SIAH3: variants seen among roughly 807,000 people sequenced by gnomAD.
The protein encoded by SIAH3 is siah E3 ubiquitin protein ligase family member 3.
A neutral mutation model predicts 12.6 loss-of-function variants in SIAH3; 9 were observed. That is an observed-to-expected ratio of 0.72 (90% CI 0.43 to 1.25). The LOEUF is 1.25. Ranked by LOEUF, SIAH3 falls within the 50% of genes most tolerant of loss-of-function variation. SIAH3 has a pLI of 0.00. For synonymous variants in SIAH3, 154 were observed against 151.1 expected (o/e 1.02, Z -0.14); for missense variants, 390 against 365.4 (o/e 1.07, Z -0.55).
chr13:45,781,764 A>G lies in SIAH3; in HGVS notation c.*1619T>C, dbSNP rs1215437271. 1 of 152,180 alleles carries G rather than the reference A, an allele frequency of 6.6e-6. No individual in the cohort carries two copies. The highest frequency in any genetic ancestry group is 2.4e-5 in the African/African-American group (1 of 41,434). The allele number at this position is 152,180 out of a possible 1,614,324, so 9.4% of individuals were successfully genotyped here. On this transcript the variant is annotated 3_prime_UTR_variant, in exon 2 of 2. Coordinates refer to ENST00000400405, the MANE Select transcript of SIAH3 (RefSeq NM_198849.3). The stretch of plus-strand genomic sequence containing the variant: ...GAGAATTAACCCAGTTGTTGGGGGA[A>G]GGGTGTTGTGTTTCAGGATCAGTTA...
intron 1 of SIAH3, among the ~76,000 whole-genome samples, chr13:45,823,478 A>G (rs1950663534): frequency 1.3e-5 from 2 of 152,252 alleles, no homozygotes; most frequent in South Asian, 2.1e-4. Flanking sequence ...CTTAAATCTC[A>G]GTCTACTTCT....
intron 1 of SIAH3, among the ~76,000 whole-genome samples, chr13:45,850,467 C>T (rs1950776333): frequency 6.6e-6 from 1 of 152,188 alleles, no homozygotes; most frequent in Non-Finnish European, 1.5e-5. Context: ...TCAGTCCTGC[C>T]TGCCTTACAC....
chr13:45,833,760 G>C (rs568706652), intron 1 of SIAH3, among the ~76,000 whole-genome samples: 1 of 152,170 alleles, frequency 6.6e-6, no homozygotes, highest in African/African-American at 2.4e-5. Context: ...GTCAGAGCTG[G>C]TAAGTGGCAG....
intron 1 of SIAH3, among the ~76,000 whole-genome samples, chr13:45,796,136 G>A (rs903589291): frequency 6.6e-6 from 1 of 152,196 alleles, no homozygotes; most frequent in African/African-American, 2.4e-5. Context: ...GTCTGGATGG[G>A]TGGTGGCTCT....
intron 1 of SIAH3, among the ~76,000 whole-genome samples, chr13:45,837,572 T>TGAAGGAAG (rs368357109): frequency 9.6e-6 from 1 of 104,490 alleles, no homozygotes; most frequent in Non-Finnish European, 2.0e-5. Context: ...AAGGAAGGAA[T>TGAAGGAAG]GAAGGAAGGA....
Position 45,784,202 on chromosome 13 carries a change from AAC to A in SIAH3, c.136-147_136-146del, listed in dbSNP as rs899891112. On this transcript the variant is annotated intron_variant, in intron 1 of 1. Transcript: ENST00000400405. ...TTCTTAAACAACAAACAAACAAACAAACAAACAAACAAAACCACAAAGGACAG... is the reference window on the plus strand; with the variant it reads ...TTCTTAAACAACAAACAAACAAACAAAAACAAACAAAACCACAAAGGACAG... The A allele has an allele frequency of 1.4e-5, 11 of 806,204 alleles. No homozygotes were observed. The African/African-American group carries it at 1.5e-4, about 11-fold the overall frequency. The allele number at this position is 806,204 out of a possible 1,614,324, so 49.9% of individuals were successfully genotyped here.
At chr13:45,791,006 G>A (rs888718322) in intron 1 of SIAH3, among the ~76,000 whole-genome samples, 1 of 151,852 alleles carries the variant, frequency 6.6e-6, no homozygotes, top group African/African-American at 2.4e-5. Context: ...ACATGACCTC[G>A]TCTCTACAAA....
In SIAH3 at chr13:45,820,381, C is replaced by T. The variant is rs528199348; in HGVS notation, c.135+31114G>A. On this transcript the variant is annotated intron_variant, in intron 1 of 1. Coordinates refer to ENST00000400405, the MANE Select transcript of SIAH3 (RefSeq NM_198849.3). Reference sequence around the variant, plus strand: ...GATGGGACGAGAAGGGTCTGGGCTGCGGGCCAGGGGCTGCGTCTCCTCACA... The same window carrying T: ...GATGGGACGAGAAGGGTCTGGGCTGTGGGCCAGGGGCTGCGTCTCCTCACA... Among the ~76,000 whole-genome samples, 5 of 152,262 alleles carry T rather than the reference C, an allele frequency of 3.3e-5. No homozygotes were observed. The South Asian group carries it at 8.3e-4, about 25-fold the overall frequency.
intron 1 of SIAH3, among the ~76,000 whole-genome samples, chr13:45,837,572 TGAAG>T (rs368357109): frequency 0.045 from 4,710 of 104,454 alleles, 215 homozygotes; most frequent in African/African-American, 0.14. Context: ...AAGGAAGGAA[TGAAG>T]GAAGGAAGGA....
intron 1 of SIAH3, among the ~76,000 whole-genome samples, chr13:45,812,030 C>T (rs1950618085): frequency 6.6e-6 from 1 of 152,232 alleles, no homozygotes; most frequent in African/African-American, 2.4e-5. Flanking sequence ...CGATGCACAA[C>T]TGTTAGTTCA....
At chr13:45,836,196 A>G (rs967720508) in intron 1 of SIAH3, among the ~76,000 whole-genome samples, 3 of 152,226 alleles carry the variant, frequency 2.0e-5, no homozygotes, top group Non-Finnish European at 4.4e-5. Context: ...ACAGAGGAGA[A>G]GGCAGGGACT....
intron 1 of SIAH3, among the ~76,000 whole-genome samples, chr13:45,784,657 C>G (rs1012723584): frequency 6.6e-6 from 1 of 152,050 alleles, no homozygotes; most frequent in African/African-American, 2.4e-5. Context: ...AGAGAGTCCC[C>G]GCTGTGACTC....
At chr13:45,828,738 A>G (rs1298649155) in intron 1 of SIAH3, among the ~76,000 whole-genome samples, 1 of 152,158 alleles carries the variant, frequency 6.6e-6, no homozygotes, top group African/African-American at 2.4e-5. Flanking sequence ...TCAATAAGTC[A>G]TTTTCAACAG....
At chr13:45,847,653 G>A (rs1484783562) in intron 1 of SIAH3, among the ~76,000 whole-genome samples, 1 of 151,304 alleles carries the variant, frequency 6.6e-6, no homozygotes, top group Non-Finnish European at 1.5e-5. Context: ...GTGTGTGCAC[G>A]TGTGTGTTTC....
At chr13:45,822,162 G>A (rs1016047987) in intron 1 of SIAH3, among the ~76,000 whole-genome samples, 27 of 152,242 alleles carry the variant, frequency 1.8e-4, no homozygotes, top group African/African-American at 5.5e-4. Flanking sequence ...GTGCAACAGG[G>A]AGCTTTTCTG....
chr13:45,824,871 C>G (rs547078018), intron 1 of SIAH3, among the ~76,000 whole-genome samples: 1 of 142,536 alleles, frequency 7.0e-6, no homozygotes, highest in Non-Finnish European at 1.5e-5. Flanking sequence ...GAGCGAGACT[C>G]TGTCTCAAAA....
At chr13:45,787,769 G>C (rs886763613) in intron 1 of SIAH3, among the ~76,000 whole-genome samples, 2 of 152,190 alleles carry the variant, frequency 1.3e-5, no homozygotes, top group East Asian at 3.8e-4. Flanking sequence ...GTGGATATTA[G>C]CAGGAATATC....
In SIAH3 at chr13:45,784,043, C is replaced by T. The variant is rs1274629067; in HGVS notation, c.150G>A (p.Arg50=). ...CTGGAGCGCTCTGAGTGACGGCGCGCCGACTGGACACATACTGTAAGGAAA... is the reference window on the plus strand; with the variant it reads ...CTGGAGCGCTCTGAGTGACGGCGCGTCGACTGGACACATACTGTAAGGAAA... The part of the protein sequence containing the change: ...PTHNLKYVSS[R]RAVTQSAPEQ... The change falls in exon 2 of 2, where the codon CGG becomes CGA. Residue 50 remains arginine (R), a synonymous_variant. Transcript: ENST00000400405. 1 of 1,588,090 alleles carries T rather than the reference C, an allele frequency of 6.3e-7. No homozygotes were observed. The highest frequency in any genetic ancestry group is 8.6e-7 in the Non-Finnish European group (1 of 1,167,378).
At chr13:45,818,413 C>T (rs1221595255) in intron 1 of SIAH3, among the ~76,000 whole-genome samples, 1 of 152,136 alleles carries the variant, frequency 6.6e-6, no homozygotes, top group African/African-American at 2.4e-5. Flanking sequence ...ATTGTTTTTC[C>T]CTATGGCTGC....
Sources: allele counts gnomAD v4.1 joint callset (sites outside exome capture counted in the v4.1 genomes callset), GRCh38; gene constraint gnomAD v4.1.1; transcripts MANE v1.5; gene names NCBI Gene and HGNC (gene_info 2026-07-23, HGNC 2026-07-21).